GPHN: variants seen among roughly 807,000 people sequenced by gnomAD.
GPHN encodes gephyrin.
In GPHN, 17 loss-of-function variants were observed where a neutral mutation model predicts 95.5. The observed-to-expected ratio is 0.18, with a 90% CI of 0.12 to 0.27. GPHN has a LOEUF of 0.27. Ranked by LOEUF, GPHN falls within the 10% of genes least tolerant of loss-of-function variation. GPHN has a pLI of 1.00. For missense variants in GPHN, 660 were observed against 978.1 expected (o/e 0.67, Z 4.34); for synonymous variants, 320 against 322.5 (o/e 0.99, Z 0.08).
downstream of GPHN, among the ~76,000 whole-genome samples, chr14:67,183,754 G>A (rs933119245): frequency 6.6e-6 from 1 of 151,170 alleles, no homozygotes; most frequent in African/African-American, 2.4e-5. Context: ...AGTGTAGATG[G>A]GGTTTCACCA....
chr14:67,542,737 G>A, the GPHN span, among the ~76,000 whole-genome samples: 1 of 151,902 alleles, frequency 6.6e-6, no homozygotes, highest in Non-Finnish European at 1.5e-5. Context: ...TTTCGCTCTT[G>A]TTGCCCAGGC....
chr14:67,107,796 G>C (rs1444682212), intron 13 of GPHN, among the ~76,000 whole-genome samples: 1 of 152,144 alleles, frequency 6.6e-6, no homozygotes, highest in African/African-American at 2.4e-5. Context: ...TCCCCAGAGA[G>C]GGGGGTATCT....
intron 2 of GPHN, among the ~76,000 whole-genome samples, chr14:66,776,015 G>C (rs936616232): frequency 2.6e-5 from 4 of 152,112 alleles, no homozygotes; most frequent in African/African-American, 9.7e-5. Flanking sequence ...AGGGAAACAA[G>C]GTCATGGGGA....
chr14:66,614,780 C>G (rs896748974), intron 1 of GPHN, among the ~76,000 whole-genome samples: 2 of 151,860 alleles, frequency 1.3e-5, no homozygotes, highest in Non-Finnish European at 2.9e-5. Flanking sequence ...GATACATATG[C>G]AGAACCTGCA....
the GPHN span, among the ~76,000 whole-genome samples, chr14:67,374,228 C>CT: frequency 1.3e-5 from 2 of 152,128 alleles, no homozygotes; most frequent in Admixed American, 6.6e-5. Flanking sequence ...TCGGGATGCT[C>CT]TAACTAGTAA....
rs1030557321 is a variant in GPHN at position 66,948,183 on chromosome 14, C to T, written c.829-17008C>T. Among the ~76,000 whole-genome samples the T allele has an allele frequency of 3.3e-5, 5 of 151,848 alleles. No homozygotes were observed. The South Asian group carries it at 1.0e-3, about 32-fold the overall frequency. The stretch of plus-strand genomic sequence containing the variant: ...TTTGTTTTCCTAAAAGGCAATTACA[C>T]GGGAAACCAAATAATAATAAGGATG... On this transcript the variant is annotated intron_variant, in intron 8 of 22. Coordinates refer to ENST00000478722, the MANE Select transcript of GPHN (RefSeq NM_020806.5).
At chr14:66,756,946 G>A (rs1039341151) in intron 2 of GPHN, among the ~76,000 whole-genome samples, 6 of 152,186 alleles carry the variant, frequency 3.9e-5, no homozygotes, top group African/African-American at 1.2e-4. Flanking sequence ...GTAGCACATA[G>A]TGGTCTTTGA....
At chr14:67,170,095 G>A (rs1422047754) in intron 21 of GPHN, among the ~76,000 whole-genome samples, 3 of 151,750 alleles carry the variant, frequency 2.0e-5, no homozygotes, top group Admixed American at 1.3e-4. Context: ...AAAATAAAAA[G>A]ATAAAATATT....
chr14:66,726,892 C>A (rs1208529359), intron 2 of GPHN, among the ~76,000 whole-genome samples: 1 of 152,156 alleles, frequency 6.6e-6, no homozygotes, highest in African/African-American at 2.4e-5. Flanking sequence ...GTATAAAAAT[C>A]ATCTTTATGC....
chr14:67,219,862 T>C, the GPHN span, among the ~76,000 whole-genome samples: 1 of 152,200 alleles, frequency 6.6e-6, no homozygotes, highest in Admixed American at 6.5e-5. Flanking sequence ...TGGTTATAAG[T>C]AATCCTCTTA....
chr14:67,317,308 T>G, the GPHN span: 1 of 1,108,550 alleles, frequency 9.0e-7, no homozygotes, highest in African/African-American at 1.6e-5. Context: ...GCAAAAAAAT[T>G]TAAAGAATAA....
chr14:67,238,959 T>C, the GPHN span, among the ~76,000 whole-genome samples: 1 of 152,148 alleles, frequency 6.6e-6, no homozygotes, highest in African/African-American at 2.4e-5. Context: ...AATATTTTTA[T>C]AGCACTTCTT....
At chr14:66,671,738 A>G (rs2066316144) in intron 1 of GPHN, among the ~76,000 whole-genome samples, 1 of 152,156 alleles carries the variant, frequency 6.6e-6, no homozygotes, top group Non-Finnish European at 1.5e-5. Flanking sequence ...CAAGATTATC[A>G]GATTCTTGAT....
chr14:67,266,306 A>G, the GPHN span, among the ~76,000 whole-genome samples: 5 of 151,844 alleles, frequency 3.3e-5, no homozygotes, highest in African/African-American at 1.2e-4. Flanking sequence ...TTTCAGAGCT[A>G]ATCCACTGCA....
the GPHN span, chr14:67,302,156 T>C: frequency 6.4e-7 from 1 of 1,556,600 alleles, no homozygotes; most frequent in Non-Finnish European, 8.7e-7. Context: ...CAAGTGCATT[T>C]TTCTGCTGTT....
At chr14:67,144,249 AAATATATAT>A (rs1219626741) in intron 18 of GPHN, among the ~76,000 whole-genome samples, 5 of 68,948 alleles carry the variant, frequency 7.3e-5, no homozygotes, top group African/African-American at 1.4e-4. Flanking sequence ...AAAAAAAAAA[AAATATATAT>A]ATATATATAT....
chr14:66,834,406 C>G (rs1372018723), intron 4 of GPHN, among the ~76,000 whole-genome samples: 1 of 151,968 alleles, frequency 6.6e-6, no homozygotes, highest in Non-Finnish European at 1.5e-5. Context: ...GCATTTAAGA[C>G]TGTTAAGTTT....
chr14:67,483,101 C>T, the GPHN span, among the ~76,000 whole-genome samples: 2 of 152,190 alleles, frequency 1.3e-5, no homozygotes, highest in Middle Eastern at 6.8e-3. Flanking sequence ...ACCTCTGTCG[C>T]CCGGGTTCAA....
the GPHN span, among the ~76,000 whole-genome samples, chr14:67,465,331 C>T: frequency 1.6e-4 from 20 of 128,800 alleles, 1 homozygote; most frequent in African/African-American, 2.8e-4. Flanking sequence ...AGGCAGTGAA[C>T]GGGAGCTGCA....
Sources: gnomAD v4.1 joint callset for allele counts (sites outside exome capture counted in the v4.1 genomes callset) on GRCh38, gnomAD v4.1.1 for gene constraint, MANE v1.5 for transcripts, NCBI Gene and HGNC (gene_info 2026-07-23, HGNC 2026-07-21) for gene names.